CNGB1: variants seen among roughly 807,000 people sequenced by gnomAD.
CNGB1 encodes the protein cyclic nucleotide-gated channel beta-1.
A neutral mutation model predicts 151.7 loss-of-function variants in CNGB1; 126 were observed. That is an observed-to-expected ratio of 0.83 (90% confidence interval 0.72 to 0.96). The LOEUF (loss-of-function observed/expected upper bound fraction) is 0.96. Ranked by LOEUF, CNGB1 falls within the 40% of genes least tolerant of loss-of-function variation. CNGB1 has a pLI of 0.00. For synonymous variants in CNGB1, 623 were observed against 635.1 expected (o/e 0.98, Z 0.29); for missense variants, 1,698 against 1,627.0 (o/e 1.04, Z -0.75).
intron 16 of CNGB1, among the ~76,000 whole-genome samples, chr16:57,934,370 C>G (rs1236470609): frequency 1.3e-5 from 2 of 151,862 alleles, no homozygotes; most frequent in Non-Finnish European, 2.9e-5. Flanking sequence ...GGAGGTAGAA[C>G]CTGCAATGAG....
rs149808094 is a variant in CNGB1 at position 57,893,099 on chromosome 16, C to A, written c.3242+4298G>T. On this transcript the variant is annotated intron_variant, in intron 31 of 32. Transcript: ENST00000251102. ...GGTGAGTTTCTTCCCTCTATTATGACAGCTCTCTGTGCAGTTTATTTATGG... is the reference window on the plus strand; with the variant it reads ...GGTGAGTTTCTTCCCTCTATTATGAAAGCTCTCTGTGCAGTTTATTTATGG... 6.9e-4 allele frequency among the ~76,000 whole-genome samples: 105 copies of A among 152,310 alleles called. 1 individual carries two copies. The highest frequency in any genetic ancestry group is 1.1e-3 in the Non-Finnish European group (77 of 68,038).
intron 16 of CNGB1, among the ~76,000 whole-genome samples, chr16:57,932,737 C>A (rs560327198): frequency 3.9e-5 from 6 of 152,120 alleles, no homozygotes; most frequent in Admixed American, 3.3e-4. Flanking sequence ...CCTGCCACCA[C>A]GCCCGGCTAA....
chr16:57,882,807 T>C lies in CNGB1; in HGVS notation c.*1357A>G, dbSNP rs1021500056. 3.3e-5 allele frequency: 5 copies of C among 151,568 alleles called. No individual in the cohort carries two copies. Among genetic ancestry groups the C allele is most frequent in the Admixed American group, 1.3e-4 (2 of 15,196 alleles). 9.4% of individuals were successfully genotyped at this position (151,568 alleles called of 1,614,324 possible). The stretch of plus-strand genomic sequence containing the variant: ...CTTTTTTTTTCTTTTTTCTTTTTTT[T>C]TTTTTGTCTGAATCATAAAAGCAAC... On this transcript the variant is annotated 3_prime_UTR_variant, in exon 33 of 33. Coordinates refer to ENST00000251102, the MANE Select transcript of CNGB1 (RefSeq NM_001297.5).
intron 9 of CNGB1, 149 bp downstream of exon 9, chr16:57,960,333 C>A: frequency 8.3e-7 from 1 of 1,200,526 alleles, no homozygotes; most frequent in Non-Finnish European, 1.2e-6. Flanking sequence ...GGTGTCCCCG[C>A]CAACAGCCTG....
Position 57,884,034 on chromosome 16 carries a change from T to G in CNGB1, c.*130A>C, listed in dbSNP as rs1959828389. ...GCGGGACGGTCAGAGCTGCAGCCAC[T>G]GAGGTCACGACTACGGAAAAGCATC... On this transcript the variant is annotated 3_prime_UTR_variant, in exon 33 of 33. Transcript: ENST00000251102. The G allele has an allele frequency of 7.4e-7, 1 of 1,356,318 alleles. No individual in the cohort carries two copies. The highest frequency in any genetic ancestry group is 1.4e-5 in the African/African-American group (1 of 70,048). 84.0% of individuals were successfully genotyped at this position (1,356,318 alleles called of 1,614,324 possible). A position where few individuals can be genotyped will look rare whatever the true frequency, so the allele number is the denominator to read the frequency against.
At chr16:57,910,861 C>T (rs1424138917) in intron 25 of CNGB1, among the ~76,000 whole-genome samples, 2 of 152,128 alleles carry the variant, frequency 1.3e-5, no homozygotes, top group African/African-American at 4.8e-5. Context: ...CCACCTTGCA[C>T]ACATGTCATC....
At chr16:57,957,653 G>A (rs1037704854) in intron 11 of CNGB1, among the ~76,000 whole-genome samples, 3 of 152,240 alleles carry the variant, frequency 2.0e-5, no homozygotes, top group East Asian at 1.9e-4. Flanking sequence ...GAGCCAGGCC[G>A]AGCTCTTGAG....
rs1190726975 is a variant in CNGB1 at position 57,901,384 on chromosome 16, C to G, written c.2944G>C (p.Val982Leu). Residue 982 changes from valine (V) to leucine (L), a missense_variant, in exon 29 of 33, where the codon GTC becomes CTC. Val to Leu is a conservative substitution (Grantham distance 32). Transcript: ENST00000251102. ...FDMLKRLRSV[V>L]YLPNDYVCKK... Reference sequence around the variant, plus strand: ...CACACATAGTCGTTGGGCAGGTAGACAACAGAGCGAAGCCTCTTCAGCATG... The same window carrying G: ...CACACATAGTCGTTGGGCAGGTAGAGAACAGAGCGAAGCCTCTTCAGCATG... 6.2e-7 allele frequency: 1 copy of G among 1,614,064 alleles called. No homozygotes were observed. The highest frequency in any genetic ancestry group is 2.2e-5 in the East Asian group (1 of 44,894).
chr16:57,903,417 G>A (rs755572213), intron 27 of CNGB1, among the ~76,000 whole-genome samples: 12 of 151,996 alleles, frequency 7.9e-5, no homozygotes, highest in Admixed American at 1.3e-4. Flanking sequence ...GCTTGAACCC[G>A]GGAGATGGAG....
intron 31 of CNGB1, among the ~76,000 whole-genome samples, chr16:57,889,482 C>T (rs545185356): frequency 6.6e-6 from 1 of 152,208 alleles, no homozygotes; most frequent in African/African-American, 2.4e-5. Context: ...TTCCCCCATC[C>T]AGACTTGAGA....
intron 23 of CNGB1, among the ~76,000 whole-genome samples, chr16:57,914,491 T>C (rs767177539): frequency 6.6e-6 from 1 of 152,204 alleles, no homozygotes; most frequent in Non-Finnish European, 1.5e-5. Flanking sequence ...TGTTATTGCA[T>C]TTGCATTTTT....
At chr16:57,912,348 AG>A (rs1259947259) in intron 24 of CNGB1, among the ~76,000 whole-genome samples, 2 of 152,154 alleles carry the variant, frequency 1.3e-5, no homozygotes, top group Admixed American at 1.3e-4. Flanking sequence ...GGCCAAAATG[AG>A]GCCCGGTTCG....
rs192720753 is a variant in CNGB1, at chr16:57,907,396, G to A, written c.2493-2521C>T. ...AAATTTTAGCTCCAATGTCTGGGGGGTTTGTGACCCCCTAAAATCTCTATA... is the reference window on the plus strand; with the variant it reads ...AAATTTTAGCTCCAATGTCTGGGGGATTTGTGACCCCCTAAAATCTCTATA... On this transcript the variant is annotated intron_variant, in intron 25 of 32. Transcript: ENST00000251102. Among the ~76,000 whole-genome samples the A allele has an allele frequency of 6.6e-5, 10 of 152,282 alleles. No individual in the cohort carries two copies. The East Asian group carries it at 9.6e-4, about 15-fold the overall frequency.
intron 2 of CNGB1, among the ~76,000 whole-genome samples, chr16:57,964,858 C>T (rs1310305313): frequency 6.6e-6 from 1 of 152,168 alleles, no homozygotes; most frequent in African/African-American, 2.4e-5. Context: ...GAGAAAGGAC[C>T]ATTTAGAGAT....
intron 17 of CNGB1, among the ~76,000 whole-genome samples, chr16:57,925,745 T>A (rs778146576): frequency 1.3e-5 from 2 of 152,148 alleles, no homozygotes; most frequent in Non-Finnish European, 2.9e-5. Context: ...TGGAATGCAG[T>A]GGCGCAAGCT....
At chr16:57,908,197 A>G (rs1249704220) in intron 25 of CNGB1, among the ~76,000 whole-genome samples, 2 of 152,222 alleles carry the variant, frequency 1.3e-5, no homozygotes, top group East Asian at 1.9e-4. Flanking sequence ...AGCCTGGGAC[A>G]TCTCTGTAAA....
chr16:57,930,674 A>G (rs1195344491), intron 17 of CNGB1, among the ~76,000 whole-genome samples: 2 of 152,216 alleles, frequency 1.3e-5, no homozygotes, highest in Non-Finnish European at 2.9e-5. Context: ...AGCCTTAAAA[A>G]AGGAAGAAAA....
chr16:57,919,289 C>T (rs778434773), intron 19 of CNGB1, 35 bp from the exon 20 acceptor site: 1 of 1,613,810 alleles, frequency 6.2e-7, no homozygotes, highest in South Asian at 1.1e-5. Context: ...CTGAACCAGC[C>T]CTGAGGCCCA....
intron 31 of CNGB1, among the ~76,000 whole-genome samples, chr16:57,888,463 C>A (rs548849307): frequency 6.9e-6 from 1 of 144,988 alleles, no homozygotes; most frequent in African/African-American, 2.7e-5. Context: ...CTGTCTCTGT[C>A]TCTGTCTCTC....
Sources: gnomAD v4.1 joint callset for allele counts (sites outside exome capture counted in the v4.1 genomes callset) on GRCh38, gnomAD v4.1.1 for gene constraint, MANE v1.5 for transcripts, NCBI Gene and HGNC (gene_info 2026-07-23, HGNC 2026-07-21) for gene names.